UNC5C: variants seen among roughly 807,000 people sequenced by gnomAD.
UNC5C encodes the protein unc-5 netrin receptor C, also known as netrin receptor UNC5C.
Under a neutral mutation model 99.8 loss-of-function variants are expected in UNC5C, and 47 were observed. The ratio of observed to expected loss-of-function variants is 0.47; its 90% confidence interval spans 0.37 to 0.60. UNC5C has a LOEUF of 0.60. UNC5C is among the 20% of genes least tolerant of loss of function. The probability of loss-of-function intolerance (pLI) is 0.00; values close to 1 mark genes in which losing one functional copy is unlikely to be tolerated. For synonymous variants in UNC5C, 487 were observed against 452.2 expected (o/e 1.08, Z -0.98); for missense variants, 1,062 against 1,165.9 (o/e 0.91, Z 1.30).
chr4:95,510,028 G>A lies in UNC5C; in HGVS notation c.124+38706C>T, dbSNP rs140816868. Among the ~76,000 whole-genome samples, 13 of 151,988 alleles carry A rather than the reference G, an allele frequency of 8.6e-5. No homozygotes were observed. The East Asian group carries it at 1.7e-3, about 20-fold the overall frequency. On this transcript the variant is annotated intron_variant, in intron 1 of 15. Transcript: ENST00000453304. ...ATTTAAAGTCCTCTCCGTATTTTAC[G>A]TAAGGCACAGAAATTGGAAGTATAA...
In UNC5C at chr4:95,291,243, A is replaced by G. The variant is rs963049936; in HGVS notation, c.490+10363T>C. Among the ~76,000 whole-genome samples, 3 of 152,218 alleles carry G rather than the reference A, an allele frequency of 2.0e-5. No individual in the cohort carries two copies. The East Asian group carries it at 5.8e-4, about 29-fold the overall frequency. On this transcript the variant is annotated intron_variant, in intron 3 of 15. Coordinates refer to ENST00000453304, the MANE Select transcript of UNC5C (RefSeq NM_003728.4). ...AAAAAAAATGATTATATGTCATCACAGTATTTTTTAAGGTATGTCTTAGGG... is the reference window on the plus strand; with the variant it reads ...AAAAAAAATGATTATATGTCATCACGGTATTTTTTAAGGTATGTCTTAGGG...
intron 2 of UNC5C, among the ~76,000 whole-genome samples, chr4:95,306,264 G>T (rs764986656): frequency 6.6e-6 from 1 of 151,840 alleles, no homozygotes; most frequent in Non-Finnish European, 1.5e-5. Flanking sequence ...ATGCAGTGGC[G>T]CGATCTTGGC....
chr4:95,201,752 T>C (rs373802119), intron 12 of UNC5C, among the ~76,000 whole-genome samples: 298 of 152,166 alleles, frequency 2.0e-3, no homozygotes, highest in African/African-American at 4.6e-3. Context: ...TACAGATGCC[T>C]GCCATCATGC....
At chr4:95,181,697 A>G (rs1016025427) in intron 14 of UNC5C, among the ~76,000 whole-genome samples, 9 of 152,124 alleles carry the variant, frequency 5.9e-5, no homozygotes. Flanking sequence ...GGCTGTGACT[A>G]AAGTTGTTTA....
intron 1 of UNC5C, among the ~76,000 whole-genome samples, 192 bp downstream of exon 1, chr4:95,548,542 C>CATAATA (rs953865734): frequency 6.6e-6 from 1 of 151,512 alleles, no homozygotes; most frequent in Admixed American, 6.6e-5. Context: ...ATAGATTAAA[C>CATAATA]ATAATAATAA....
intron 1 of UNC5C, among the ~76,000 whole-genome samples, chr4:95,415,333 A>C (rs558622116): frequency 4.6e-5 from 7 of 152,056 alleles, no homozygotes; most frequent in Admixed American, 1.3e-4. Context: ...TAGCTCAGCA[A>C]AAGATATCAT....
chr4:95,174,832 T>A (rs1469226636), intron 14 of UNC5C, among the ~76,000 whole-genome samples: 1 of 148,190 alleles, frequency 6.7e-6, no homozygotes, highest in Non-Finnish European at 1.5e-5. Context: ...TGTCTGATGT[T>A]GACAGTGGGG....
At chr4:95,328,757 T>C (rs982552508) in intron 2 of UNC5C, among the ~76,000 whole-genome samples, 3 of 151,950 alleles carry the variant, frequency 2.0e-5, no homozygotes, top group African/African-American at 7.2e-5. Flanking sequence ...TGATTGCCAT[T>C]CTAACTGGTG....
chr4:95,264,190 G>C (rs1740347697), intron 4 of UNC5C, among the ~76,000 whole-genome samples: 1 of 133,682 alleles, frequency 7.5e-6, no homozygotes, highest in Non-Finnish European at 1.8e-5. Flanking sequence ...AACAATCAAT[G>C]AAAGACCAAC....
intron 1 of UNC5C, among the ~76,000 whole-genome samples, chr4:95,513,932 T>G: frequency 6.6e-6 from 1 of 152,206 alleles, no homozygotes; most frequent in South Asian, 2.1e-4. Context: ...TTTTAAACTT[T>G]AAAGCCCATC....
intron 2 of UNC5C, among the ~76,000 whole-genome samples, chr4:95,306,547 A>G (rs1742069884): frequency 1.3e-5 from 2 of 152,154 alleles, no homozygotes; most frequent in African/African-American, 4.8e-5. Context: ...GTGACACTGA[A>G]AAAAATCACA....
At chr4:95,514,666 T>C (rs115674472) in intron 1 of UNC5C, among the ~76,000 whole-genome samples, 1 of 148,990 alleles carries the variant, frequency 6.7e-6, no homozygotes, top group African/African-American at 2.4e-5. Context: ...TATACATATA[T>C]ACACATATAT....
At chr4:95,254,279 G>T (rs1739867733) in intron 4 of UNC5C, among the ~76,000 whole-genome samples, 2 of 152,210 alleles carry the variant, frequency 1.3e-5, no homozygotes, top group South Asian at 2.1e-4. Flanking sequence ...CAACGTCTTG[G>T]CCCTTCAGTT....
chr4:95,524,659 A>G (rs1722453636), intron 1 of UNC5C, among the ~76,000 whole-genome samples: 1 of 152,156 alleles, frequency 6.6e-6, no homozygotes, highest in South Asian at 2.1e-4. Context: ...CTGTTGTACT[A>G]CATTCAGCCC....
intron 1 of UNC5C, among the ~76,000 whole-genome samples, chr4:95,441,640 T>C (rs1337750528): frequency 6.6e-6 from 1 of 152,174 alleles, no homozygotes; most frequent in South Asian, 2.1e-4. Context: ...TATATGAATA[T>C]GTAATACATA....
At chr4:95,521,704 T>C (rs956042652) in intron 1 of UNC5C, among the ~76,000 whole-genome samples, 4 of 152,026 alleles carry the variant, frequency 2.6e-5, no homozygotes, top group Non-Finnish European at 5.9e-5. Flanking sequence ...ATTGGAAAAA[T>C]GTGAGAAAGC....
At chr4:95,392,763 T>C (rs1389908837) in intron 1 of UNC5C, among the ~76,000 whole-genome samples, 2 of 152,238 alleles carry the variant, frequency 1.3e-5, no homozygotes, top group East Asian at 3.9e-4. Context: ...CGATAGACTA[T>C]TCCACTACAG....
chr4:95,288,921 A>C (rs1449949777), intron 3 of UNC5C, among the ~76,000 whole-genome samples: 2 of 152,234 alleles, frequency 1.3e-5, no homozygotes, highest in African/African-American at 4.8e-5. Context: ...TAATATTTAC[A>C]AATTCCAGAG....
chr4:95,269,985 G>A (rs2149390470), intron 4 of UNC5C, among the ~76,000 whole-genome samples: 1 of 152,228 alleles, frequency 6.6e-6, no homozygotes, highest in East Asian at 1.9e-4. Flanking sequence ...AAAGTGCTGG[G>A]ATTACAGGTG....
Sources: allele counts gnomAD v4.1 joint callset (sites outside exome capture counted in the v4.1 genomes callset), GRCh38; gene constraint gnomAD v4.1.1; transcripts MANE v1.5; gene names NCBI Gene and HGNC (gene_info 2026-07-23, HGNC 2026-07-21).